FGFR2: variants seen among roughly 807,000 people sequenced by gnomAD.
FGFR2 encodes the protein fibroblast growth factor receptor 2.
FGFR2 carries 19 observed loss-of-function variants against 95.9 expected under a neutral mutation model. That is an observed-to-expected ratio of 0.20 (90% CI 0.14 to 0.29). The LOEUF (loss-of-function observed/expected upper bound fraction) is 0.29. FGFR2 is among the 10% of genes least tolerant of loss of function. The pLI is 1.00. For missense variants in FGFR2, 707 were observed against 1,056.9 expected, an observed-to-expected ratio of 0.67 and a Z score of 4.59; for synonymous variants, 392 against 393.3, an observed-to-expected ratio of 1.00 and a Z score of 0.04.
chr10:121,502,708 CTTA>C (rs1847754437), intron 10 of FGFR2, among the ~76,000 whole-genome samples: 1 of 152,216 alleles, frequency 6.6e-6, no homozygotes, highest in African/African-American at 2.4e-5. Context: ...AGGGTAGCTG[CTTA>C]TAAGCAAGTC....
At chr10:121,501,797 A>T (rs925438225) in intron 10 of FGFR2, among the ~76,000 whole-genome samples, 2 of 152,238 alleles carry the variant, frequency 1.3e-5, no homozygotes, top group Admixed American at 1.3e-4. Context: ...TGCTATGCTG[A>T]GGTCATTTTG....
At chr10:121,597,419 G>A (rs1365503928) in intron 1 of FGFR2, among the ~76,000 whole-genome samples, 1 of 152,246 alleles carries the variant, frequency 6.6e-6, no homozygotes, top group Non-Finnish European at 1.5e-5. Context: ...GGGCGCCCAG[G>A]CACCGGAGCC....
At chr10:121,552,844 T>C (rs1231786116) in intron 4 of FGFR2, among the ~76,000 whole-genome samples, 2 of 152,186 alleles carry the variant, frequency 1.3e-5, no homozygotes, top group Non-Finnish European at 2.9e-5. Flanking sequence ...AATTCATAAC[T>C]ATGCTTATTT....
rs1009263660 is a variant in FGFR2 at position 121,598,251 on chromosome 10, A to G, written c.-440T>C. On this transcript the variant is annotated 5_prime_UTR_variant, in exon 1 of 18. Transcript: ENST00000358487. ...TTGCTCGCGAGTTGCGAAGGCTCAG[A>G]GCGCGCAGGCAAGCTGCGGCCTCGG... 5.1e-6 allele frequency: 2 copies of G among 394,336 alleles called. No homozygotes were observed. Among genetic ancestry groups the G allele is most frequent in the Non-Finnish European group, 9.0e-6 (2 of 223,462 alleles). 24.4% of individuals were successfully genotyped at this position (394,336 alleles called of 1,614,324 possible).
chr10:121,561,173 C>G (rs567326197), intron 4 of FGFR2, among the ~76,000 whole-genome samples: 1 of 152,164 alleles, frequency 6.6e-6, no homozygotes, highest in Non-Finnish European at 1.5e-5. Flanking sequence ...ACCTGTAATC[C>G]CAGCACTTTG....
intron 4 of FGFR2, among the ~76,000 whole-genome samples, chr10:121,553,804 C>T (rs1302375310): frequency 1.3e-5 from 2 of 151,818 alleles, no homozygotes; most frequent in Non-Finnish European, 2.9e-5. Flanking sequence ...TTTTTATGTT[C>T]CCTAAAAAAA....
chr10:121,487,292 G>A (rs2133821488), intron 15 of FGFR2, 62 bp downstream of exon 15: 2 of 1,293,906 alleles, frequency 1.5e-6, no homozygotes, highest in Non-Finnish European at 2.2e-6. Context: ...GAAAGGTGAA[G>A]TACGTACAGT....
In FGFR2 at chr10:121,520,030, C is replaced by T. The variant is rs1412836806; in HGVS notation, c.888G>A (p.Lys296=). The change falls in exon 7 of 18, where the codon AAG becomes AAA. Residue 296 remains lysine, a synonymous_variant. Coordinates refer to ENST00000358487, the MANE Select transcript of FGFR2 (RefSeq NM_000141.5). ...CGTCGGGCCCGTATTTACTGCCGTTCTTTTCCACGTGCTTGATCCACTGGA... is the reference window on the plus strand; with the variant it reads ...CGTCGGGCCCGTATTTACTGCCGTTTTTTTCCACGTGCTTGATCCACTGGA... ...PHIQWIKHVE[K]NGSKYGPDGL... is the part of the protein sequence containing the mutation. 1.2e-6 allele frequency: 2 copies of T among 1,614,124 alleles called. No individual in the cohort carries two copies. The highest frequency in any genetic ancestry group is 2.7e-5 in the African/African-American group (2 of 74,958).
intron 5 of FGFR2, among the ~76,000 whole-genome samples, chr10:121,548,403 G>A (rs1288991114): frequency 1.3e-5 from 2 of 151,838 alleles, no homozygotes; most frequent in Admixed American, 6.6e-5. Context: ...CACAGGGGCA[G>A]GCTAAAGGCT....
At chr10:121,508,973 A>G (rs935334245) in intron 9 of FGFR2, among the ~76,000 whole-genome samples, 1 of 152,232 alleles carries the variant, frequency 6.6e-6, no homozygotes, top group Non-Finnish European at 1.5e-5. Context: ...TGGGCAGGCC[A>G]TTCCCCTGTG....
intron 5 of FGFR2, among the ~76,000 whole-genome samples, chr10:121,538,955 T>C (rs950587765): frequency 6.6e-6 from 1 of 152,218 alleles, no homozygotes; most frequent in African/African-American, 2.4e-5. Flanking sequence ...TTCGGCAGTG[T>C]ACAGCGTGGG....
At chr10:121,593,118 A>G (rs1258237840) in intron 2 of FGFR2, among the ~76,000 whole-genome samples, 1 of 152,206 alleles carries the variant, frequency 6.6e-6, no homozygotes, top group African/African-American at 2.4e-5. Context: ...CCCCTGGCAC[A>G]TTCACTTTCA....
intron 2 of FGFR2, among the ~76,000 whole-genome samples, chr10:121,592,524 C>T (rs545151630): frequency 2.6e-5 from 4 of 152,266 alleles, no homozygotes; most frequent in East Asian, 3.9e-4. Flanking sequence ...ATAAGTGCTT[C>T]GGTCCTCATC....
At chr10:121,510,950 C>T (rs1202751052) in intron 9 of FGFR2, among the ~76,000 whole-genome samples, 4 of 151,960 alleles carry the variant, frequency 2.6e-5, no homozygotes, top group Non-Finnish European at 2.9e-5. Flanking sequence ...TACAGGCATG[C>T]ATCACCACAC....
intron 6 of FGFR2, among the ~76,000 whole-genome samples, chr10:121,534,916 C>T (rs1852621281): frequency 6.6e-6 from 1 of 152,148 alleles, no homozygotes; most frequent in African/African-American, 2.4e-5. Flanking sequence ...AAGGTACGTC[C>T]ACGTCCTAAG....
In FGFR2 at chr10:121,479,078, C is replaced by T. The variant is rs1844344726; in HGVS notation, c.*779G>A. 1 of 232,732 alleles carries T rather than the reference C, an allele frequency of 4.3e-6. No homozygotes were observed. The highest frequency in any genetic ancestry group is 6.1e-5 in the East Asian group (1 of 16,414). The allele number at this position is 232,732 out of a possible 1,614,324, so 14.4% of individuals were successfully genotyped here. A position where few individuals can be genotyped will look rare whatever the true frequency, so the allele number is the denominator to read the frequency against. On this transcript the variant is annotated 3_prime_UTR_variant, in exon 18 of 18. Transcript: ENST00000358487. ...CAAATAAATCAAAACTTCATTTTCCCCAAATTAGTCATATATTGTAAATAT... is the reference window on the plus strand; with the variant it reads ...CAAATAAATCAAAACTTCATTTTCCTCAAATTAGTCATATATTGTAAATAT...
At chr10:121,509,197 G>A (rs1589799607) in intron 9 of FGFR2, among the ~76,000 whole-genome samples, 1 of 152,076 alleles carries the variant, frequency 6.6e-6, no homozygotes, top group African/African-American at 2.4e-5. Context: ...TCTTGTTAGT[G>A]ATAAGTGAGT....
intron 13 of FGFR2, 108 bp downstream of exon 13, chr10:121,496,424 G>C (rs1846817070): frequency 1.9e-6 from 2 of 1,066,516 alleles, no homozygotes; most frequent in Admixed American, 1.7e-5. Flanking sequence ...GGTTGTACAA[G>C]ACATGCGAGG....
At chr10:121,533,773 G>T (rs1330274146) in intron 6 of FGFR2, among the ~76,000 whole-genome samples, 2 of 152,180 alleles carry the variant, frequency 1.3e-5, no homozygotes, top group African/African-American at 4.8e-5. Context: ...AGAGCAAGGA[G>T]CATTCATACA....
Sources: gnomAD v4.1 joint callset for allele counts (sites outside exome capture counted in the v4.1 genomes callset) on GRCh38, gnomAD v4.1.1 for gene constraint, MANE v1.5 for transcripts, NCBI Gene and HGNC (gene_info 2026-07-23, HGNC 2026-07-21) for gene names.